The following SHISA9 variants were observed in gnomAD, a reference collection of about 807,000 sequenced individuals.
SHISA9 encodes protein shisa-9.
A neutral mutation model predicts 38.0 loss-of-function variants in SHISA9; 13 were observed. That is an observed-to-expected ratio of 0.34 (90% confidence interval 0.22 to 0.54). The LOEUF is 0.54. Among genes scored for constraint, SHISA9 ranks in the 20% least tolerant of loss-of-function variants. The probability of loss-of-function intolerance (pLI) is 0.91; values close to 1 mark genes in which losing one functional copy is unlikely to be tolerated. For missense variants in SHISA9, 538 were observed against 575.8 expected, an observed-to-expected ratio of 0.93 and a Z score of 0.67; for synonymous variants, 275 against 242.0, an observed-to-expected ratio of 1.14 and a Z score of -1.27.
At chr16:13,360,405 AC>A in the SHISA9 span, among the ~76,000 whole-genome samples, 1 of 152,036 alleles carries the variant, frequency 6.6e-6, no homozygotes, top group Non-Finnish European at 1.5e-5. Flanking sequence ...ACTGGGAGGG[AC>A]CCAGTGGGAG....
chr16:13,177,751 C>A (rs983108851), intron 2 of SHISA9, among the ~76,000 whole-genome samples: 2 of 152,132 alleles, frequency 1.3e-5, no homozygotes, highest in African/African-American at 4.8e-5. Context: ...CTCACTGCAA[C>A]CTCTGCCTCC....
chr16:13,007,703 C>A (rs2072616308), intron 2 of SHISA9, among the ~76,000 whole-genome samples: 1 of 152,352 alleles, frequency 6.6e-6, no homozygotes, highest in South Asian at 2.1e-4. Flanking sequence ...CTCACTGTTC[C>A]TTCAGCATGC....
chr16:13,343,140 T>G, the SHISA9 span, among the ~76,000 whole-genome samples: 1 of 152,320 alleles, frequency 6.6e-6, no homozygotes, highest in South Asian at 2.1e-4. Context: ...ACCCGACCTA[T>G]TCTTAGCTGA....
At chr16:13,047,790 A>G (rs1450587319) in intron 2 of SHISA9, among the ~76,000 whole-genome samples, 1 of 152,206 alleles carries the variant, frequency 6.6e-6, no homozygotes, top group East Asian at 1.9e-4. Context: ...ACTATTTAAT[A>G]GTAAAATTGC....
At chr16:13,070,380 C>T (rs1185546890) in intron 2 of SHISA9, among the ~76,000 whole-genome samples, 1 of 152,172 alleles carries the variant, frequency 6.6e-6, no homozygotes, top group African/African-American at 2.4e-5. Flanking sequence ...AGGAAACCAC[C>T]GCAGGGCGAG....
intron 3 of SHISA9, 69 bp from the exon 4 acceptor site, chr16:13,213,184 G>A (rs1324844265): frequency 5.7e-6 from 8 of 1,401,700 alleles, no homozygotes; most frequent in Non-Finnish European, 7.9e-6. Flanking sequence ...GCACCTGGGT[G>A]TGAGGGCATA....
the SHISA9 span, among the ~76,000 whole-genome samples, chr16:13,303,220 T>C: frequency 1.3e-5 from 2 of 152,174 alleles, no homozygotes; most frequent in Non-Finnish European, 2.9e-5. Context: ...ATTCTACTTC[T>C]AAGTATATAC....
chr16:12,996,552 A>G (rs1431493745), intron 2 of SHISA9, among the ~76,000 whole-genome samples: 1 of 151,628 alleles, frequency 6.6e-6, no homozygotes, highest in Non-Finnish European at 1.5e-5. Context: ...GCACATCTCC[A>G]CTCCTACAAT....
intron 2 of SHISA9, among the ~76,000 whole-genome samples, chr16:13,005,018 G>C (rs1323183692): frequency 6.8e-6 from 1 of 147,940 alleles, no homozygotes; most frequent in South Asian, 2.1e-4. Flanking sequence ...ATAGAACCTG[G>C]CTATGGTTTA....
the SHISA9 span, among the ~76,000 whole-genome samples, chr16:13,350,782 T>C: frequency 6.6e-6 from 1 of 152,180 alleles, no homozygotes; most frequent in Non-Finnish European, 1.5e-5. Flanking sequence ...AGCCCTGGGG[T>C]ATTAATTCTG....
At chr16:12,927,574 ATT>A (rs772330327) in intron 2 of SHISA9, among the ~76,000 whole-genome samples, 10 of 136,266 alleles carry the variant, frequency 7.3e-5, no homozygotes, top group Admixed American at 1.5e-4. Context: ...ATTTTTTTTG[ATT>A]TTTTTTTTTT....
intron 2 of SHISA9, among the ~76,000 whole-genome samples, chr16:13,184,342 T>A (rs1297665716): frequency 6.6e-6 from 1 of 152,216 alleles, no homozygotes; most frequent in Non-Finnish European, 1.5e-5. Context: ...GGCTATGGAT[T>A]CCCATCTTAA....
At chr16:13,378,044 C>G in the SHISA9 span, among the ~76,000 whole-genome samples, 2 of 152,086 alleles carry the variant, frequency 1.3e-5, no homozygotes, top group Admixed American at 6.6e-5. Context: ...ACAACACCAC[C>G]AACAAAAATA....
intron 2 of SHISA9, among the ~76,000 whole-genome samples, chr16:13,193,727 G>A (rs1488166686): frequency 6.6e-6 from 1 of 152,212 alleles, no homozygotes; most frequent in Non-Finnish European, 1.5e-5. Flanking sequence ...GAGGGAGAAT[G>A]AAGTGGAAGG....
At chr16:13,404,046 G>A in the SHISA9 span, among the ~76,000 whole-genome samples, 21 of 152,200 alleles carry the variant, frequency 1.4e-4, no homozygotes, top group Admixed American at 1.4e-3. Flanking sequence ...GTAGAATCGT[G>A]ATTCGAACTC....
chr16:13,323,410 G>A, the SHISA9 span, among the ~76,000 whole-genome samples: 17 of 152,268 alleles, frequency 1.1e-4, no homozygotes, highest in Admixed American at 2.6e-4. Flanking sequence ...CAAGTTTGGC[G>A]CTTGACATGG....
At chr16:13,276,275 T>TATA in the SHISA9 span, among the ~76,000 whole-genome samples, 7,888 of 151,644 alleles carry the variant, frequency 0.052, 697 homozygotes, top group African/African-American at 0.18. Context: ...TAGTATTCCA[T>TATA]CATATATATA....
Position 13,202,597 on chromosome 16 carries a change from C to T in SHISA9, c.692-797C>T, listed in dbSNP as rs189598235. ...CTTTTTTCCCTTTAACAATATAAAC[C>T]ATAAGAAACTGTTCAAGTTTTCCTT... On this transcript the variant is annotated intron_variant, in intron 2 of 4. Transcript: ENST00000558583. Among the ~76,000 whole-genome samples, 36 of 80,634 alleles carry T rather than the reference C, an allele frequency of 4.5e-4. 10 individuals carry two copies. Among genetic ancestry groups the T allele is most frequent in the African/African-American group, 1.9e-3 (34 of 17,892 alleles). The allele number at this position is 80,634 out of a possible 152,430, so 52.9% of individuals were successfully genotyped here.
the SHISA9 span, among the ~76,000 whole-genome samples, chr16:13,507,131 G>A: frequency 1.3e-5 from 2 of 151,746 alleles, no homozygotes; most frequent in African/African-American, 4.8e-5. Context: ...TTACATTTCA[G>A]GCAAGAGTAA....
Sources: allele counts gnomAD v4.1 joint callset (sites outside exome capture counted in the v4.1 genomes callset), GRCh38; gene constraint gnomAD v4.1.1; transcripts MANE v1.5; gene names NCBI Gene and HGNC (gene_info 2026-07-23, HGNC 2026-07-21).